AFF3: variants seen among roughly 807,000 people sequenced by gnomAD.
The protein encoded by AFF3 is AF4/FMR2 family member 3.
A neutral mutation model predicts 129.7 loss-of-function variants in AFF3; 32 were observed. That is an observed-to-expected ratio of 0.25 (90% CI 0.19 to 0.33). The LOEUF (loss-of-function observed/expected upper bound fraction) is 0.33, where lower values mean the gene tolerates loss of function less well. AFF3 is among the 10% of genes least tolerant of loss of function. AFF3 has a pLI of 1.00. For synonymous variants in AFF3, 644 were observed against 635.4 expected (o/e 1.01, Z -0.20); for missense variants, 1,373 against 1,592.0 (o/e 0.86, Z 2.34).
intron 4 of AFF3, among the ~76,000 whole-genome samples, chr2:100,082,585 A>C (rs555463061): frequency 5.3e-5 from 8 of 152,352 alleles, no homozygotes; most frequent in African/African-American, 1.9e-4. Flanking sequence ...GTGCACTGCC[A>C]TCAGTTACGT....
chr2:99,571,989 AT>A (rs377199592), intron 18 of AFF3, among the ~76,000 whole-genome samples: 6,151 of 149,828 alleles, frequency 0.041, 188 homozygotes, highest in Admixed American at 0.11. Context: ...CTAATCTTCT[AT>A]TTTTTTTTTA....
rs1241787195 is a variant in AFF3 at position 100,073,724 on chromosome 2, CGTT to C, written c.53+30675_53+30677del. Among the ~76,000 whole-genome samples, 3 of 152,178 alleles carry C rather than the reference CGTT, an allele frequency of 2.0e-5. No individual in the cohort carries two copies. The East Asian group carries it at 5.8e-4, about 29-fold the overall frequency. On this transcript the variant is annotated intron_variant, in intron 4 of 24. Coordinates refer to ENST00000672756, the MANE Select transcript of AFF3 (RefSeq NM_001386135.1). ...AGTTAAAAATTAAAAGAACAATTGT[CGTT>C]GTCTATAATCTAAAGGTTGCTGTCA...
chr2:99,906,543 T>G (rs1339431423), intron 7 of AFF3, among the ~76,000 whole-genome samples: 12 of 152,128 alleles, frequency 7.9e-5, no homozygotes, highest in Admixed American at 6.5e-4. Flanking sequence ...GTAGATAAGA[T>G]GAAAGTCGAT....
Position 99,593,514 on chromosome 2 carries a change from C to T in AFF3, c.2147G>A (p.Gly716Asp), listed in dbSNP as rs1558616675. ...GCCTACAGGGGCCCTAGGACCACTGCCCCCGTTGGCAGCGGCCTCCTTCAG... is the reference window on the plus strand; with the variant it reads ...GCCTACAGGGGCCCTAGGACCACTGTCCCCGTTGGCAGCGGCCTCCTTCAG... Reference protein sequence around the residue: ...QRLKEAAANGGSGPRAPVGSI... With the variant: ...QRLKEAAANGDSGPRAPVGSI... Residue 716 changes from glycine (G) to aspartate (D), a missense_variant, in exon 15 of 25, where the codon GGC becomes GAC. Transcript: ENST00000672756. 3.1e-6 allele frequency: 5 copies of T among 1,613,094 alleles called. No homozygotes were observed. The highest frequency in any genetic ancestry group is 4.2e-6 in the Non-Finnish European group (5 of 1,179,754).
chr2:99,821,473 A>G (rs1386847353), intron 8 of AFF3, among the ~76,000 whole-genome samples: 4 of 26,110 alleles, frequency 1.5e-4, no homozygotes, highest in African/African-American at 2.7e-4. Flanking sequence ...ATGAGCTAAA[A>G]AAAAGAAAAA....
At chr2:99,832,030 T>C (rs1477638315) in intron 8 of AFF3, among the ~76,000 whole-genome samples, 1 of 152,230 alleles carries the variant, frequency 6.6e-6, no homozygotes, top group Non-Finnish European at 1.5e-5. Context: ...TTGACGTACT[T>C]GCGTCAGTCC....
chr2:99,839,321 G>A (rs1376206904), intron 7 of AFF3, among the ~76,000 whole-genome samples: 1 of 152,070 alleles, frequency 6.6e-6, no homozygotes, highest in Admixed American at 6.5e-5. Flanking sequence ...TCTTGGCCAG[G>A]CTGGTCTCAA....
chr2:99,673,047 T>A (rs1188081268), intron 11 of AFF3, among the ~76,000 whole-genome samples: 2 of 151,618 alleles, frequency 1.3e-5, no homozygotes, highest in Non-Finnish European at 2.9e-5. Flanking sequence ...AAAAAGAAGA[T>A]GCTTTTTTTT....
At chr2:99,967,842 C>G (rs1677943786) in intron 7 of AFF3, among the ~76,000 whole-genome samples, 1 of 152,256 alleles carries the variant, frequency 6.6e-6, no homozygotes, top group African/African-American at 2.4e-5. Flanking sequence ...AGCCCAAGGT[C>G]ACCTGTGTGT....
At chr2:99,732,005 A>G (rs570594769) in intron 10 of AFF3, among the ~76,000 whole-genome samples, 2 of 152,340 alleles carry the variant, frequency 1.3e-5, no homozygotes, top group East Asian at 3.9e-4. Context: ...ATGGAACATC[A>G]TCGAAAGTGC....
intron 13 of AFF3, among the ~76,000 whole-genome samples, chr2:99,622,569 G>T (rs1262041110): frequency 1.3e-5 from 2 of 152,192 alleles, no homozygotes; most frequent in Non-Finnish European, 2.9e-5. Flanking sequence ...TCTGAGTTCT[G>T]CGACTCCCAG....
At chr2:99,671,503 C>T (rs1224433018) in intron 12 of AFF3, among the ~76,000 whole-genome samples, 3 of 152,164 alleles carry the variant, frequency 2.0e-5, no homozygotes, top group African/African-American at 7.2e-5. Flanking sequence ...CTATGCTCTG[C>T]TCACTCTTCC....
At chr2:99,755,270 ATTT>A (rs1016331802) in intron 8 of AFF3, among the ~76,000 whole-genome samples, 2 of 132,560 alleles carry the variant, frequency 1.5e-5, no homozygotes. Flanking sequence ...ATATTTTCCT[ATTT>A]TTTTTTTTTT....
intron 8 of AFF3, among the ~76,000 whole-genome samples, chr2:99,791,794 T>C (rs1438777568): frequency 3.9e-5 from 6 of 152,182 alleles, no homozygotes; most frequent in Admixed American, 2.0e-4. Flanking sequence ...TGTGGTATAT[T>C]TAGTGCCATA....
chr2:99,854,277 C>T (rs905371916), intron 7 of AFF3, among the ~76,000 whole-genome samples: 4 of 150,696 alleles, frequency 2.7e-5, no homozygotes, highest in African/African-American at 9.8e-5. Flanking sequence ...AATAGATGAG[C>T]GTTACTGATG....
chr2:100,019,048 A>G (rs779095196), intron 4 of AFF3, among the ~76,000 whole-genome samples: 112 of 152,188 alleles, frequency 7.4e-4, no homozygotes, highest in Non-Finnish European at 1.3e-3. Context: ...CCTTCCCTGC[A>G]ATCCTTGCTG....
In AFF3 at chr2:99,551,152, C is replaced by CGG. The variant is rs1674374268; in HGVS notation, c.*320_*321dup. The CGG allele has an allele frequency of 4.9e-6, 2 of 405,258 alleles. No homozygotes were observed. Among genetic ancestry groups the CGG allele is most frequent in the African/African-American group, 4.3e-5 (2 of 46,064 alleles). The allele number at this position is 405,258 out of a possible 1,614,324, so 25.1% of individuals were successfully genotyped here. On this transcript the variant is annotated 3_prime_UTR_variant, in exon 25 of 25. Transcript: ENST00000672756. Reference sequence around the variant, plus strand: ...GTGTCTGTGATTGTGTGTGAGTGTACGGTGTGTGTGTGTGTGTGTGTGTGT... The same window carrying CGG: ...GTGTCTGTGATTGTGTGTGAGTGTACGGGGTGTGTGTGTGTGTGTGTGTGTGT...
At chr2:99,728,731 T>G (rs1371352569) in intron 10 of AFF3, among the ~76,000 whole-genome samples, 1 of 152,206 alleles carries the variant, frequency 6.6e-6, no homozygotes, top group Non-Finnish European at 1.5e-5. Flanking sequence ...TTAACTGCCT[T>G]GATAACAAAC....
At chr2:99,989,257 G>C (rs530878068) in intron 7 of AFF3, among the ~76,000 whole-genome samples, 2 of 152,194 alleles carry the variant, frequency 1.3e-5, no homozygotes, top group Admixed American at 6.5e-5. Flanking sequence ...GGAAGGTCAG[G>C]ACAAGAGATA....
Sources: gnomAD v4.1 joint callset for allele counts (sites outside exome capture counted in the v4.1 genomes callset) on GRCh38, gnomAD v4.1.1 for gene constraint, MANE v1.5 for transcripts, NCBI Gene and HGNC (gene_info 2026-07-23, HGNC 2026-07-21) for gene names.